The following BTNL8 variants were observed in gnomAD, a reference collection of about 807,000 sequenced individuals.
The protein encoded by BTNL8 is butyrophilin like 8.
Under a neutral mutation model 36.1 loss-of-function variants are expected in BTNL8, and 22 were observed. The ratio of observed to expected loss-of-function variants is 0.61; its 90% CI spans 0.44 to 0.87. BTNL8 has a LOEUF of 0.87. Ranked by LOEUF, BTNL8 falls within the 40% of genes least tolerant of loss-of-function variation. The probability of loss-of-function intolerance (pLI) is 0.00; values close to 1 mark genes in which losing one functional copy is unlikely to be tolerated. For synonymous variants in BTNL8, 203 were observed against 235.6 expected (o/e 0.86, Z 1.27); for missense variants, 526 against 616.9 (o/e 0.85, Z 1.56).
At chr5:180,947,421 C>A in intron 3 of BTNL8, 91 bp from the exon 4 acceptor site, 1 of 1,472,280 alleles carries the variant, frequency 6.8e-7, no homozygotes, top group Admixed American at 2.0e-5. Flanking sequence ...CTATTTCTTC[C>A]ATTGTGGGGA....
In BTNL8 at chr5:180,950,815, A is replaced by G. The variant is rs1430409692; in HGVS notation, c.*271A>G. On this transcript the variant is annotated 3_prime_UTR_variant, in exon 8 of 8. Coordinates refer to ENST00000340184, the MANE Select transcript of BTNL8 (RefSeq NM_001040462.3). ...TCCCATCTCACAGGCTGTGGTGTAGATTAAGTAGACAAGGAATGTGAATAA... is the reference window on the plus strand; with the variant it reads ...TCCCATCTCACAGGCTGTGGTGTAGGTTAAGTAGACAAGGAATGTGAATAA... 2 of 447,992 alleles carry G rather than the reference A, an allele frequency of 4.5e-6. 1 individual carries two copies. The highest frequency in any genetic ancestry group is 3.9e-5 in the African/African-American group (2 of 50,672). 27.8% of individuals were successfully genotyped at this position (447,992 alleles called of 1,614,324 possible).
Position 180,950,085 on chromosome 5 carries a change from A to T in BTNL8, c.1044A>T (p.Gly348=). The T allele has an allele frequency of 2.1e-6, 3 of 1,463,082 alleles. 1 individual carries two copies. The highest frequency in any genetic ancestry group is 2.8e-6 in the Non-Finnish European group (3 of 1,058,852). 90.6% of individuals were successfully genotyped at this position (1,463,082 alleles called of 1,614,324 possible). A position where few individuals can be genotyped will look rare whatever the true frequency, so the allele number is the denominator to read the frequency against. The change falls in exon 8 of 8, where the codon GGA becomes GGT. Residue 348 remains glycine, a synonymous_variant. Transcript: ENST00000340184. ...AACATTACTGGGAGGTGGACGGAGG[A>T]CACAATAAAAGGTGGCGCGTGGGAG... ...AGKHYWEVDG[G]HNKRWRVGVC...
chr5:180,940,152 C>T (rs558624225), intron 3 of BTNL8, among the ~76,000 whole-genome samples: 2 of 152,032 alleles, frequency 1.3e-5, no homozygotes, highest in Admixed American at 6.6e-5. Flanking sequence ...CAAGACCAGC[C>T]TGACCAACAT....
intron 3 of BTNL8, among the ~76,000 whole-genome samples, chr5:180,919,794 A>C (rs34148452): frequency 0.45 from 68,282 of 152,056 alleles, 16,426 homozygotes; most frequent in African/African-American, 0.63. Context: ...ACTTCATTTA[A>C]AATAGCATCA....
At chr5:180,926,851 C>T (rs1298195202) in intron 3 of BTNL8, among the ~76,000 whole-genome samples, 1 of 152,236 alleles carries the variant, frequency 6.6e-6, no homozygotes, top group Non-Finnish European at 1.5e-5. Flanking sequence ...ACTCCCATCT[C>T]CCTGGGACAG....
chr5:180,917,724 A>G (rs1238390094), intron 3 of BTNL8, among the ~76,000 whole-genome samples: 2 of 152,206 alleles, frequency 1.3e-5, no homozygotes, highest in Non-Finnish European at 2.9e-5. Context: ...AAAATATTTA[A>G]AGAAAAATTA....
chr5:180,908,014 A>G (rs1253841072), intron 1 of BTNL8, among the ~76,000 whole-genome samples: 1 of 152,232 alleles, frequency 6.6e-6, no homozygotes, highest in Non-Finnish European at 1.5e-5. Flanking sequence ...CTACAGAGGC[A>G]GGCAGGCCTC....
chr5:180,948,553 T>C (rs1290989277), intron 5 of BTNL8, 178 bp downstream of exon 5: 1 of 1,566,726 alleles, frequency 6.4e-7, no homozygotes, highest in Non-Finnish European at 8.7e-7. Flanking sequence ...CTCGGACATC[T>C]GGAGGGCTTA....
intron 3 of BTNL8, among the ~76,000 whole-genome samples, chr5:180,937,360 G>A (rs1758705133): frequency 6.6e-6 from 1 of 152,174 alleles, no homozygotes; most frequent in South Asian, 2.1e-4. Flanking sequence ...ACTACACACA[G>A]CCTACAACAT....
rs141749189 is a variant in BTNL8, at chr5:180,926,413, C to T, written c.673+14799C>T. On this transcript the variant is annotated intron_variant, in intron 3 of 7. Coordinates refer to ENST00000340184, the MANE Select transcript of BTNL8 (RefSeq NM_001040462.3). ...AACTGGGTGGCCGTTTGGGCAGACA[C>T]CAAGCTAGCTGCAGGAGATTTTCAT... 4.6e-3 allele frequency among the ~76,000 whole-genome samples: 696 copies of T among 152,272 alleles called. 7 individuals are homozygous for T. Among genetic ancestry groups the T allele is most frequent in the Non-Finnish European group, 8.1e-3 (549 of 68,010 alleles).
At chr5:180,933,217 C>A (rs1383277182) in intron 3 of BTNL8, among the ~76,000 whole-genome samples, 1 of 152,044 alleles carries the variant, frequency 6.6e-6, no homozygotes, top group Non-Finnish European at 1.5e-5. Context: ...AAGTAGGGAA[C>A]CTCAAATCCC....
intron 3 of BTNL8, among the ~76,000 whole-genome samples, chr5:180,938,421 A>G (rs949310118): frequency 1.3e-5 from 2 of 152,236 alleles, no homozygotes; most frequent in African/African-American, 4.8e-5. Context: ...CAAATTGTCA[A>G]AAGGACAAAC....
intron 3 of BTNL8, among the ~76,000 whole-genome samples, chr5:180,933,645 A>G (rs776631731): frequency 6.6e-6 from 1 of 152,336 alleles, no homozygotes; most frequent in Middle Eastern, 3.4e-3. Flanking sequence ...AAAGGCAAAA[A>G]TGAGAGGGAA....
chr5:180,915,061 C>A (rs1306635585), intron 3 of BTNL8, among the ~76,000 whole-genome samples: 1 of 152,166 alleles, frequency 6.6e-6, no homozygotes, highest in Admixed American at 6.5e-5. Context: ...GTGGCTGAAT[C>A]ATCTGGGGGC....
rs560299365 is a variant in BTNL8, at chr5:180,911,561, C to A, written c.620C>A (p.Ser207Tyr). The change falls in exon 3 of 8, where the codon TCC becomes TAC. Residue 207 changes from serine (S) to tyrosine (Y), a missense_variant. By Grantham distance (144) the Ser-to-Tyr change is moderately radical (BLOSUM62 -2). Coordinates refer to ENST00000340184, the MANE Select transcript of BTNL8 (RefSeq NM_001040462.3). ...GAGAACGCCGGGAGCATATCCTGTT[C>A]CATGCGGCATGCTCATCTGAGCCGA... ...VQENAGSISC[S>Y]MRHAHLSREV... 1 of 1,613,990 alleles carries A rather than the reference C, an allele frequency of 6.2e-7. No homozygotes were observed. The highest frequency in any genetic ancestry group is 1.3e-5 in the African/African-American group (1 of 74,964).
Position 180,926,359 on chromosome 5 carries a change from A to C in BTNL8, c.673+14745A>C, listed in dbSNP as rs560343227. ...CCAGAAGATTCCCTTGGGTGCCTAC[A>C]CCACCCGGGCCCTGGGTTTTAAGCA... On this transcript the variant is annotated intron_variant, in intron 3 of 7. Transcript: ENST00000340184. Among the ~76,000 whole-genome samples, 6 of 152,184 alleles carry C rather than the reference A, an allele frequency of 3.9e-5. No homozygotes were observed. In the South Asian group the frequency reaches 1.2e-3, roughly 32 times the overall value.
chr5:180,902,143 C>G (rs560493624), intron 1 of BTNL8, among the ~76,000 whole-genome samples: 1 of 151,642 alleles, frequency 6.6e-6, no homozygotes, highest in East Asian at 1.9e-4. Context: ...AGAAAGACGT[C>G]AACTTTGGTT....
intron 1 of BTNL8, among the ~76,000 whole-genome samples, chr5:180,901,257 C>T (rs1756812505): frequency 6.6e-6 from 1 of 152,194 alleles, no homozygotes; most frequent in Non-Finnish European, 1.5e-5. Flanking sequence ...TAGAAATTCA[C>T]ACATGTAATT....
At chr5:180,920,827 A>T (rs1757831787) in intron 3 of BTNL8, among the ~76,000 whole-genome samples, 1 of 152,086 alleles carries the variant, frequency 6.6e-6, no homozygotes, top group South Asian at 2.1e-4. Context: ...AATAGCCAAG[A>T]GATTTATGAA....
Sources: gnomAD v4.1 joint callset for allele counts (sites outside exome capture counted in the v4.1 genomes callset) on GRCh38, gnomAD v4.1.1 for gene constraint, MANE v1.5 for transcripts, NCBI Gene and HGNC (gene_info 2026-07-23, HGNC 2026-07-21) for gene names.